YAP1: variants seen among roughly 807,000 people sequenced by gnomAD.
YAP1 encodes the protein Yes1 associated transcriptional regulator, also known as transcriptional coactivator YAP1.
Under a neutral mutation model 56.9 loss-of-function variants are expected in YAP1, and 5 were observed. The ratio of observed to expected loss-of-function variants is 0.09; its 90% CI spans 0.05 to 0.18. YAP1 has a LOEUF of 0.18. Ranked by LOEUF, YAP1 falls within the 10% of genes least tolerant of loss-of-function variation. The pLI, the probability that YAP1 is intolerant of heterozygous loss-of-function variation, is 1.00. For synonymous variants in YAP1, 265 were observed against 248.1 expected (o/e 1.07, Z -0.64); for missense variants, 539 against 651.8 (o/e 0.83, Z 1.88).
chr11:102,209,778 T>G lies in YAP1; in HGVS notation c.1032+214T>G, dbSNP rs553769443. On this transcript the variant is annotated intron_variant, in intron 6 of 8. Transcript: ENST00000282441. ...CTCCCTGCTCCTCCTAGGGAGTTTC[T>G]GTTTATTTTGATTCCATGGAGGTCT... 3.3e-5 allele frequency among the ~76,000 whole-genome samples: 5 copies of G among 152,328 alleles called. No individual in the cohort carries two copies. The East Asian group carries it at 9.6e-4, about 29-fold the overall frequency.
intron 6 of YAP1, among the ~76,000 whole-genome samples, chr11:102,222,723 A>T (rs765068083): frequency 1.3e-5 from 2 of 152,058 alleles, no homozygotes; most frequent in African/African-American, 2.4e-5. Context: ...CTGCTAGAGG[A>T]TGGAACATAT....
rs1015899653 is a variant in YAP1 at position 102,161,353 on chromosome 11, C to T, written c.573-1103C>T. On this transcript the variant is annotated intron_variant, in intron 2 of 8. Coordinates refer to ENST00000282441, the MANE Select transcript of YAP1 (RefSeq NM_001130145.3). ...TTTCTGTGTACTTTCACTACACACA[C>T]ACACACACACACACACACACACACA... Among the ~76,000 whole-genome samples, 4 of 144,020 alleles carry T rather than the reference C, an allele frequency of 2.8e-5. No homozygotes were observed. The South Asian group carries it at 6.4e-4, about 23-fold the overall frequency. 94.5% of individuals were successfully genotyped at this position (144,020 alleles called of 152,430 possible).
At chr11:102,174,757 C>G (rs1475432011) in intron 3 of YAP1, among the ~76,000 whole-genome samples, 1 of 152,064 alleles carries the variant, frequency 6.6e-6, no homozygotes, top group Non-Finnish European at 1.5e-5. Context: ...ACAAAAAAGT[C>G]AGCGTCTCTA....
rs572026354 is a variant in YAP1, at chr11:102,222,970, C to T, written c.1033-652C>T. On this transcript the variant is annotated intron_variant, in intron 6 of 8. Coordinates refer to ENST00000282441, the MANE Select transcript of YAP1 (RefSeq NM_001130145.3). ...TAAGAATTATTTTTTTAGGGCCGGG[C>T]GCGGTGGCTCACGTCTGTAATCCCA... is the stretch of plus-strand genomic sequence containing the variant. 2.7e-4 allele frequency among the ~76,000 whole-genome samples: 41 copies of T among 151,596 alleles called. No homozygotes were observed. In the South Asian group the frequency reaches 5.8e-3, roughly 22 times the overall value.
chr11:102,151,513 T>C (rs1554996738), intron 2 of YAP1, among the ~76,000 whole-genome samples: 1 of 152,244 alleles, frequency 6.6e-6, no homozygotes, highest in Non-Finnish European at 1.5e-5. Flanking sequence ...TTCTATCCTC[T>C]ATCATTTTAT....
intron 2 of YAP1, among the ~76,000 whole-genome samples, chr11:102,157,904 G>T (rs920174487): frequency 6.6e-6 from 1 of 152,158 alleles, no homozygotes; most frequent in Non-Finnish European, 1.5e-5. Context: ...TGTGTTAGGG[G>T]CTTAAACACT....
intron 4 of YAP1, among the ~76,000 whole-genome samples, chr11:102,205,263 C>T (rs1949062752): frequency 6.6e-6 from 1 of 151,988 alleles, no homozygotes; most frequent in African/African-American, 2.4e-5. Flanking sequence ...TATGAGCAAG[C>T]ATCAGATCAT....
rs539054810 is a variant in YAP1 at position 102,113,308 on chromosome 11, ACATC to A, written c.322-832_322-829del. 1.8e-3 allele frequency among the ~76,000 whole-genome samples: 280 copies of A among 152,344 alleles called. 1 individual carries two copies. Among genetic ancestry groups the A allele is most frequent in the African/African-American group, 6.4e-3 (265 of 41,574 alleles). On this transcript the variant is annotated intron_variant, in intron 1 of 8. Coordinates refer to ENST00000282441, the MANE Select transcript of YAP1 (RefSeq NM_001130145.3). ...CTGGTGACTGTAAGTTCTTTCATAT[ACATC>A]CATTTTTCTATCATGAAAACTATTT... is the stretch of plus-strand genomic sequence containing the variant.
At chr11:102,146,049 T>G (rs1945303821) in intron 2 of YAP1, among the ~76,000 whole-genome samples, 1 of 152,204 alleles carries the variant, frequency 6.6e-6, no homozygotes, top group African/African-American at 2.4e-5. Flanking sequence ...TGTCAAGGAA[T>G]CAGTTTAGTT....
intron 2 of YAP1, among the ~76,000 whole-genome samples, chr11:102,145,263 T>C (rs149936585): frequency 1.4e-4 from 22 of 152,344 alleles, no homozygotes; most frequent in African/African-American, 4.8e-4. Context: ...TCAGTGTTTT[T>C]GGTGTTCTCC....
Position 102,205,749 on chromosome 11 carries a change from T to C in YAP1, c.803-144T>C, listed in dbSNP as rs191448327. On this transcript the variant is annotated intron_variant, in intron 4 of 8. Transcript: ENST00000282441. ...ATAAATTAATGTAGTCATTGTGATA[T>C]TGATGGATTTTTAGGTTATTTCCAG... The C allele has an allele frequency of 1.6e-3, 1,053 of 655,206 alleles. 17 individuals carry two copies. The highest frequency in any genetic ancestry group is 4.2e-3 in the East Asian group (144 of 34,080). 40.6% of individuals were successfully genotyped at this position (655,206 alleles called of 1,614,324 possible). A position where few individuals can be genotyped will look rare whatever the true frequency, so the allele number is the denominator to read the frequency against.
chr11:102,177,586 A>G (rs932462644), intron 3 of YAP1, among the ~76,000 whole-genome samples: 2 of 151,428 alleles, frequency 1.3e-5, no homozygotes, highest in African/African-American at 2.4e-5. Flanking sequence ...CTGAGGCAGG[A>G]GAATCGCTTG....
intron 6 of YAP1, among the ~76,000 whole-genome samples, chr11:102,218,554 C>G (rs535972792): frequency 1.8e-4 from 27 of 152,276 alleles, no homozygotes; most frequent in African/African-American, 6.5e-4. Context: ...TGTTTTCATG[C>G]CAAATTCTTC....
At chr11:102,172,100 G>T (rs1338271412) in intron 3 of YAP1, among the ~76,000 whole-genome samples, 2 of 151,704 alleles carry the variant, frequency 1.3e-5, no homozygotes, top group African/African-American at 4.8e-5. Context: ...GGCTGACACA[G>T]GAGAATTGCT....
At chr11:102,227,397 AG>A in intron 7 of YAP1, 71 bp from the exon 8 acceptor site, 1 of 975,154 alleles carries the variant, frequency 1.0e-6, no homozygotes. Context: ...GCTGCTCAGC[AG>A]GTGTTTATTT....
rs764117528 is a variant in YAP1, at chr11:102,114,368, A to G, written c.546A>G (p.Thr182=). 1.8e-5 allele frequency: 29 copies of G among 1,613,980 alleles called. No homozygotes were observed. The Admixed American group carries it at 1.8e-4, about 10-fold the overall frequency. The change falls in exon 2 of 9, where the codon ACA becomes ACG. Residue 182 remains threonine, a synonymous_variant. Transcript: ENST00000282441. The part of the protein sequence containing the change: ...PLPAGWEMAK[T]SSGQRYFLNH... ...CAGCAGGTTGGGAGATGGCAAAGAC[A>G]TCTTCTGGTCAGAGATACTTCTTAA...
At chr11:102,152,559 T>C (rs899261190) in intron 2 of YAP1, among the ~76,000 whole-genome samples, 1 of 152,236 alleles carries the variant, frequency 6.6e-6, no homozygotes, top group Non-Finnish European at 1.5e-5. Context: ...GTGTATAAAA[T>C]GAAACAGTTG....
Position 102,115,722 on chromosome 11 carries a change from A to C in YAP1, c.572+1328A>C, listed in dbSNP as rs576388146. On this transcript the variant is annotated intron_variant, in intron 2 of 8. Coordinates refer to ENST00000282441, the MANE Select transcript of YAP1 (RefSeq NM_001130145.3). ...ACACAAGTCTGGCAAACTCATCTGC[A>C]TGAGCAAGATCATTTGTTCTCAAGC... is the stretch of plus-strand genomic sequence containing the variant. Among the ~76,000 whole-genome samples the C allele has an allele frequency of 3.3e-5, 5 of 152,338 alleles. No homozygotes were observed. The East Asian group carries it at 7.7e-4, about 23-fold the overall frequency.
chr11:102,208,658 T>C (rs1469512624), intron 5 of YAP1, among the ~76,000 whole-genome samples: 1 of 152,194 alleles, frequency 6.6e-6, no homozygotes, highest in Non-Finnish European at 1.5e-5. Flanking sequence ...TAAAATATGT[T>C]TTATGTAACC....
Sources: allele counts gnomAD v4.1 joint callset (sites outside exome capture counted in the v4.1 genomes callset), GRCh38; gene constraint gnomAD v4.1.1; transcripts MANE v1.5; gene names NCBI Gene and HGNC (gene_info 2026-07-23, HGNC 2026-07-21).